PTH2R: variants seen among roughly 807,000 people sequenced by gnomAD.
PTH2R encodes the protein parathyroid hormone 2 receptor, also known as PTH2 receptor.
A neutral mutation model predicts 60.3 loss-of-function variants in PTH2R; 59 were observed. That is an observed-to-expected ratio of 0.98 (90% CI 0.79 to 1.22). The LOEUF is 1.22. Ranked by LOEUF, PTH2R falls within the 50% of genes most tolerant of loss-of-function variation. The pLI is 0.00. For missense variants in PTH2R, 749 were observed against 682.6 expected (o/e 1.10, Z -1.08); for synonymous variants, 256 against 243.8 (o/e 1.05, Z -0.47).
intron 11 of PTH2R, among the ~76,000 whole-genome samples, chr2:208,489,631 G>C (rs1703358404): frequency 2.0e-5 from 3 of 152,124 alleles, no homozygotes; most frequent in Non-Finnish European, 4.4e-5. Context: ...TTACTCATTT[G>C]CTAGTCCACA....
At chr2:208,487,471 A>G (rs1703297812) in intron 10 of PTH2R, among the ~76,000 whole-genome samples, 1 of 152,254 alleles carries the variant, frequency 6.6e-6, no homozygotes, top group Non-Finnish European at 1.5e-5. Flanking sequence ...TTATGAAAGA[A>G]GAAGCCAGAT....
chr2:208,444,849 A>G lies in PTH2R; in HGVS notation c.815A>G (p.Asp272Gly). ...HNLIFVAFFS[D>G]TKYLWGFILI... ...CTCATCTTTGTGGCTTTCTTTTCGG[A>G]CACCAAATACCTGTGGGGCTTCATC... The change falls in exon 7 of 13, where the codon GAC becomes GGC. Residue 272 changes from aspartate (D) to glycine (G), a missense_variant. Coordinates refer to ENST00000272847, the MANE Select transcript of PTH2R (RefSeq NM_005048.4). 6.2e-7 allele frequency: 1 copy of G among 1,613,834 alleles called. No individual in the cohort carries two copies.
intron 8 of PTH2R, among the ~76,000 whole-genome samples, chr2:208,456,107 T>TTG (rs1559225739): frequency 2.0e-5 from 3 of 151,840 alleles, no homozygotes; most frequent in Non-Finnish European, 4.4e-5. Context: ...CTGGGCGTGG[T>TTG]GGTGCGTGCC....
intron 9 of PTH2R, among the ~76,000 whole-genome samples, chr2:208,461,431 T>C (rs1195623666): frequency 6.6e-6 from 1 of 152,146 alleles, no homozygotes; most frequent in Non-Finnish European, 1.5e-5. Context: ...TCCTCCTTTC[T>C]AGTTCCTCCT....
rs116040392 is a variant in PTH2R, at chr2:208,436,698, G to A, written c.179-839G>A. On this transcript the variant is annotated intron_variant, in intron 2 of 12. Transcript: ENST00000272847. ...TTACATACCTCAGGGAACACAGAGT[G>A]CACTGGGCTAATGTCTGGAGACATC... 3.9e-3 allele frequency among the ~76,000 whole-genome samples: 587 copies of A among 152,238 alleles called. 4 individuals carry two copies. The highest frequency in any genetic ancestry group is 0.013 in the African/African-American group (549 of 41,536).
chr2:208,458,367 G>A (rs1702557686), intron 8 of PTH2R, among the ~76,000 whole-genome samples: 3 of 152,126 alleles, frequency 2.0e-5, no homozygotes, highest in Admixed American at 2.0e-4. Context: ...ATTAAGTACT[G>A]TTAAAAACAA....
chr2:208,453,175 A>G (rs1183971457), intron 8 of PTH2R, among the ~76,000 whole-genome samples: 2 of 152,206 alleles, frequency 1.3e-5, no homozygotes, highest in African/African-American at 4.8e-5. Flanking sequence ...TCTGTTCTCT[A>G]AATCAGAAAT....
intron 1 of PTH2R, among the ~76,000 whole-genome samples, chr2:208,367,926 A>G (rs1172136956): frequency 1.3e-5 from 2 of 152,216 alleles, no homozygotes; most frequent in Non-Finnish European, 2.9e-5. Context: ...GCCAACAGGT[A>G]CAAAAAATTC....
chr2:208,492,746 A>G (rs58974134), intron 12 of PTH2R, among the ~76,000 whole-genome samples: 2,304 of 152,230 alleles, frequency 0.015, 52 homozygotes, highest in African/African-American at 0.05. Context: ...GCTAGAGCAA[A>G]TAGTAAATTC....
chr2:208,485,833 A>G (rs988090807), intron 10 of PTH2R, among the ~76,000 whole-genome samples: 9 of 152,182 alleles, frequency 5.9e-5, no homozygotes, highest in East Asian at 1.9e-4. Context: ...TTATATGACA[A>G]AGATGTTAGG....
chr2:208,430,706 C>T lies in PTH2R; in HGVS notation c.178+2403C>T, dbSNP rs191002811. 2.7e-3 allele frequency among the ~76,000 whole-genome samples: 418 copies of T among 152,200 alleles called. 1 individual carries two copies. Among genetic ancestry groups the T allele is most frequent in the Non-Finnish European group, 4.8e-3 (328 of 67,984 alleles). Reference sequence around the variant, plus strand: ...GGACTACAGGTGCCTGCCACCACATCCGGCTAATTTTTTTGTATTTTTTGT... The same window carrying T: ...GGACTACAGGTGCCTGCCACCACATTCGGCTAATTTTTTTGTATTTTTTGT... On this transcript the variant is annotated intron_variant, in intron 2 of 12. Coordinates refer to ENST00000272847, the MANE Select transcript of PTH2R (RefSeq NM_005048.4).
Position 208,393,379 on chromosome 2 carries a change from T to G in PTH2R, c.-259+33142T>G, listed in dbSNP as rs575740767. 9.2e-5 allele frequency among the ~76,000 whole-genome samples: 14 copies of G among 152,276 alleles called. No individual in the cohort carries two copies. The South Asian group carries it at 2.5e-3, about 27-fold the overall frequency. ...TGTGGAATTCTCATCTCATCTTTGGTCTAGCATGGACAGTTTAGAGTAATT... is the reference window on the plus strand; with the variant it reads ...TGTGGAATTCTCATCTCATCTTTGGGCTAGCATGGACAGTTTAGAGTAATT... On this transcript the variant is annotated intron_variant, in intron 1 of 12. Coordinates refer to the PTH2R transcript ENST00000617735.
At chr2:208,431,163 T>A (rs1701964066) in intron 2 of PTH2R, among the ~76,000 whole-genome samples, 1 of 152,224 alleles carries the variant, frequency 6.6e-6, no homozygotes, top group Non-Finnish European at 1.5e-5. Flanking sequence ...CATATATATT[T>A]TCCAGTTTGC....
At chr2:208,398,171 TA>T (rs1559208117) in intron 1 of PTH2R, among the ~76,000 whole-genome samples, 1 of 152,182 alleles carries the variant, frequency 6.6e-6, no homozygotes, top group Non-Finnish European at 1.5e-5. Flanking sequence ...GGCATTTCAT[TA>T]AAAAAAGTTA....
Position 208,406,799 on chromosome 2 carries a change from G to C in PTH2R, c.-245G>C, listed in dbSNP as rs903351870. The C allele has an allele frequency of 2.8e-6, 1 of 363,242 alleles. No individual in the cohort carries two copies. Among genetic ancestry groups the C allele is most frequent in the African/African-American group, 2.1e-5 (1 of 47,674 alleles). The allele number at this position is 363,242 out of a possible 1,614,324, so 22.5% of individuals were successfully genotyped here. On this transcript the variant is annotated 5_prime_UTR_variant, in exon 1 of 13. Transcript: ENST00000272847. ...GGGCTGCGAGTCAAGTCCAGGACTCGGGCCAGTCTCTCCGGAAGACAAGAC... is the reference window on the plus strand; with the variant it reads ...GGGCTGCGAGTCAAGTCCAGGACTCCGGCCAGTCTCTCCGGAAGACAAGAC...
chr2:208,493,263 G>C lies in PTH2R; in HGVS notation c.1258-1G>C. 1.3e-6 allele frequency: 2 copies of C among 1,499,328 alleles called. No individual in the cohort carries two copies. Among genetic ancestry groups the C allele is most frequent in the Non-Finnish European group, 1.8e-6 (2 of 1,122,266 alleles). The allele number at this position is 1,499,328 out of a possible 1,614,324, so 92.9% of individuals were successfully genotyped here. A position where few individuals can be genotyped will look rare whatever the true frequency, so the allele number is the denominator to read the frequency against. On this transcript the variant is annotated splice_acceptor_variant, in intron 12 of 12. Coordinates refer to ENST00000272847, the MANE Select transcript of PTH2R (RefSeq NM_005048.4). LOFTEE classifies it high-confidence loss of function. ...TGCACAGCATGTTTCTCGTGGCTTAGGTTCAGGCAGAGGTGAAGAAGATGT... is the reference window on the plus strand; with the variant it reads ...TGCACAGCATGTTTCTCGTGGCTTACGTTCAGGCAGAGGTGAAGAAGATGT...
intron 1 of PTH2R, among the ~76,000 whole-genome samples, chr2:208,418,904 G>T (rs1701695605): frequency 6.6e-6 from 1 of 152,118 alleles, no homozygotes. Context: ...TGGGCATTTA[G>T]TTTTTTCTAT....
chr2:208,360,294 T>A (rs1700428431), intron 1 of PTH2R: 1 of 380,092 alleles, frequency 2.6e-6, no homozygotes, highest in Non-Finnish European at 5.3e-6. Context: ...CCCTACGGGG[T>A]CTCCTACTGG....
intron 1 of PTH2R, among the ~76,000 whole-genome samples, chr2:208,362,423 T>C (rs1252776131): frequency 2.0e-5 from 3 of 152,214 alleles, no homozygotes; most frequent in African/African-American, 7.2e-5. Context: ...TATCAATGTC[T>C]CTATATGTAG....
Sources: gnomAD v4.1 joint callset for allele counts (sites outside exome capture counted in the v4.1 genomes callset) on GRCh38, gnomAD v4.1.1 for gene constraint, MANE v1.5 for transcripts, NCBI Gene and HGNC (gene_info 2026-07-23, HGNC 2026-07-21) for gene names.